Variants in CBX1 observed in about 807,000 individuals in gnomAD.
CBX1 encodes chromobox protein homolog 1.
Under a neutral mutation model 25.1 loss-of-function variants are expected in CBX1, and 10 were observed. That is an observed-to-expected ratio of 0.40 (90% CI 0.25 to 0.68). CBX1 has a LOEUF of 0.68. Among genes scored for constraint, CBX1 ranks in the 30% least tolerant of loss-of-function variants. The pLI, the probability that CBX1 is intolerant of heterozygous loss-of-function variation, is 0.40. For missense variants in CBX1, 106 were observed against 218.5 expected (o/e 0.49, Z 3.25); for synonymous variants, 63 against 79.4 (o/e 0.79, Z 1.10).
intron 4 of CBX1, among the ~76,000 whole-genome samples, chr17:48,072,507 G>A (rs776793080): frequency 4.6e-5 from 7 of 152,134 alleles, no homozygotes; most frequent in Non-Finnish European, 1.0e-4. Flanking sequence ...TTTTCAAGTG[G>A]CTGGCCGCAG....
intron 1 of CBX1, among the ~76,000 whole-genome samples, chr17:48,099,197 G>A (rs2063393487): frequency 6.6e-6 from 1 of 152,092 alleles, no homozygotes; most frequent in South Asian, 2.1e-4. Context: ...CTGCCTCCCG[G>A]GTTCAAGCGA....
intron 1 of CBX1, among the ~76,000 whole-genome samples, chr17:48,080,951 AATATATATATATATATATATATAT>A (rs1323670486): frequency 7.2e-4 from 24 of 33,276 alleles, no homozygotes; most frequent in South Asian, 4.9e-3. Context: ...AAAAAAAAAA[AATATATATATATATATATATATAT>A]ATATATATAT....
intron 1 of CBX1, among the ~76,000 whole-genome samples, chr17:48,094,206 G>C (rs1416811432): frequency 1.3e-5 from 2 of 151,572 alleles, no homozygotes; most frequent in Non-Finnish European, 2.9e-5. Context: ...GGCCAAGGCA[G>C]GTGGATCACT....
intron 1 of CBX1, among the ~76,000 whole-genome samples, chr17:48,092,734 G>A (rs12953085): frequency 0.23 from 34,449 of 151,738 alleles, 4,192 homozygotes; most frequent in South Asian, 0.33. Flanking sequence ...TTGCAGGCGT[G>A]AGCCACCGCA....
intron 1 of CBX1, among the ~76,000 whole-genome samples, chr17:48,099,483 A>C (rs2063395512): frequency 6.6e-6 from 1 of 152,202 alleles, no homozygotes; most frequent in Admixed American, 6.6e-5. Context: ...GGAAAACCGT[A>C]AACGACTTCA....
At chr17:48,072,168 T>C (rs886880075) in intron 4 of CBX1, among the ~76,000 whole-genome samples, 4 of 152,156 alleles carry the variant, frequency 2.6e-5, no homozygotes, top group Non-Finnish European at 5.9e-5. Context: ...CAGCTAATTT[T>C]TGTATTTTTA....
chr17:48,095,402 C>T (rs1485467133), intron 1 of CBX1, among the ~76,000 whole-genome samples: 1 of 151,982 alleles, frequency 6.6e-6, no homozygotes, highest in Non-Finnish European at 1.5e-5. Context: ...CCAGCCTGAC[C>T]AACATGGAGA....
At chr17:48,079,017 T>C (rs1453293804) in intron 1 of CBX1, among the ~76,000 whole-genome samples, 1 of 151,606 alleles carries the variant, frequency 6.6e-6, no homozygotes, top group Non-Finnish European at 1.5e-5. Flanking sequence ...CAGGCTGGTC[T>C]CAAACTCGTG....
At chr17:48,073,684 A>G (rs11655407) in intron 4 of CBX1, among the ~76,000 whole-genome samples, 41,272 of 151,756 alleles carry the variant, frequency 0.27, 6,344 homozygotes, top group African/African-American at 0.42. Flanking sequence ...AAAATCAGCC[A>G]GGCGTGGTAG....
At chr17:48,100,593 C>T (rs1323087136) in intron 1 of CBX1, 3 of 446,182 alleles carry the variant, frequency 6.7e-6, no homozygotes, top group South Asian at 9.5e-5. Context: ...CTGCTTTCCC[C>T]TTTTTTCTTA....
Position 48,101,466 on chromosome 17 carries a change from G to C in CBX1, c.-236C>G. On this transcript the variant is annotated 5_prime_UTR_variant, in exon 1 of 5. Transcript: ENST00000225603. The stretch of plus-strand genomic sequence containing the variant: ...ACAAAAGAGCCTCGCAGTCTGCGCT[G>C]CCCGCCGCTCGCACCGCGCAGGCGC... 1 of 985,642 alleles carries C rather than the reference G, an allele frequency of 1.0e-6. No individual in the cohort carries two copies. Among genetic ancestry groups the C allele is most frequent in the Non-Finnish European group, 1.2e-6 (1 of 830,120 alleles). The allele number at this position is 985,642 out of a possible 1,614,324, so 61.1% of individuals were successfully genotyped here. A position where few individuals can be genotyped will look rare whatever the true frequency, so the allele number is the denominator to read the frequency against.
At chr17:48,080,813 C>A (rs1438949091) in intron 1 of CBX1, among the ~76,000 whole-genome samples, 1 of 143,854 alleles carries the variant, frequency 7.0e-6, no homozygotes, top group Non-Finnish European at 1.5e-5. Flanking sequence ...GCCAGCTACT[C>A]GGGAGGCTGA....
intron 1 of CBX1, among the ~76,000 whole-genome samples, chr17:48,097,576 C>CA (rs2063382474): frequency 6.7e-6 from 1 of 150,034 alleles, no homozygotes; most frequent in Non-Finnish European, 1.5e-5. Context: ...GAGATCGCGC[C>CA]ACTGCACTCC....
At chr17:48,099,520 T>TA (rs779779528) in intron 1 of CBX1, among the ~76,000 whole-genome samples, 1 of 152,158 alleles carries the variant, frequency 6.6e-6, no homozygotes, top group Non-Finnish European at 1.5e-5. Context: ...GAAGCTTCAT[T>TA]AAGGTGCCAC....
chr17:48,075,631 A>G (rs1332608776), intron 3 of CBX1, among the ~76,000 whole-genome samples: 1 of 151,506 alleles, frequency 6.6e-6, no homozygotes, highest in Non-Finnish European at 1.5e-5. Flanking sequence ...ATACAGCCCA[A>G]GCAAAATCAA....
intron 1 of CBX1, among the ~76,000 whole-genome samples, chr17:48,093,344 A>T (rs2063355111): frequency 6.6e-6 from 1 of 152,066 alleles, no homozygotes; most frequent in Non-Finnish European, 1.5e-5. Flanking sequence ...CAAAAAGGTA[A>T]ACAATGCAAG....
chr17:48,097,268 A>G (rs1025071883), intron 1 of CBX1, among the ~76,000 whole-genome samples: 1 of 150,912 alleles, frequency 6.6e-6, no homozygotes, highest in Non-Finnish European at 1.5e-5. Context: ...AAAAGAAAAA[A>G]AAACGCCACC....
At chr17:48,086,098 A>C (rs903434517) in intron 1 of CBX1, among the ~76,000 whole-genome samples, 7 of 152,090 alleles carry the variant, frequency 4.6e-5, no homozygotes, top group Non-Finnish European at 7.4e-5. Context: ...AACAAAAAAA[A>C]CCCAAAACTT....
At chr17:48,081,121 T>C (rs1444100299) in intron 1 of CBX1, among the ~76,000 whole-genome samples, 13 of 151,090 alleles carry the variant, frequency 8.6e-5, no homozygotes, top group Admixed American at 8.0e-4. Context: ...GTTTTTGCCA[T>C]GTTGCCAATG....
Sources: allele counts gnomAD v4.1 joint callset (sites outside exome capture counted in the v4.1 genomes callset), GRCh38; gene constraint gnomAD v4.1.1; transcripts MANE v1.5; gene names NCBI Gene and HGNC (gene_info 2026-07-23, HGNC 2026-07-21).